SLC39A11: variants seen among roughly 807,000 people sequenced by gnomAD.
SLC39A11 encodes solute carrier family 39 member 11, also known as zinc transporter ZIP11.
SLC39A11 carries 33 observed loss-of-function variants against 36.1 expected under a neutral mutation model. That is an observed-to-expected ratio of 0.91 (90% CI 0.69 to 1.22). SLC39A11 has a LOEUF of 1.22. SLC39A11 is among the 50% of genes most tolerant of loss of function. SLC39A11 has a pLI of 0.00. For synonymous variants in SLC39A11, 166 were observed against 170.3 expected (o/e 0.97, Z 0.20); for missense variants, 432 against 430.3 (o/e 1.00, Z -0.03).
chr17:72,920,767 C>T (rs1323466195), intron 5 of SLC39A11, among the ~76,000 whole-genome samples: 2 of 149,920 alleles, frequency 1.3e-5, no homozygotes, highest in Admixed American at 6.6e-5. Flanking sequence ...ACTTCCCACC[C>T]CCTCTACAAC....
intron 7 of SLC39A11, among the ~76,000 whole-genome samples, chr17:72,712,059 T>A (rs1210873402): frequency 1.3e-5 from 2 of 152,270 alleles, no homozygotes; most frequent in Non-Finnish European, 2.9e-5. Flanking sequence ...CTACAAGGTC[T>A]GCTGGCAGAG....
chr17:72,703,219 G>A (rs1244612006), intron 7 of SLC39A11, among the ~76,000 whole-genome samples: 1 of 152,164 alleles, frequency 6.6e-6, no homozygotes. Context: ...AGTCCTGCAT[G>A]TGGGACTGAT....
intron 7 of SLC39A11, among the ~76,000 whole-genome samples, chr17:72,666,831 T>C (rs1179178282): frequency 1.3e-5 from 2 of 152,250 alleles, no homozygotes; most frequent in African/African-American, 4.8e-5. Context: ...GTATGTAGTC[T>C]TGTTGTTTGA....
chr17:73,049,153 C>G (rs978096958), intron 3 of SLC39A11, among the ~76,000 whole-genome samples: 2 of 152,236 alleles, frequency 1.3e-5, no homozygotes, highest in African/African-American at 4.8e-5. Flanking sequence ...GGATTCCAGA[C>G]AGCCAGGAGC....
intron 6 of SLC39A11, among the ~76,000 whole-genome samples, chr17:72,753,927 C>T (rs2567546): frequency 0.7 from 93,514 of 134,512 alleles, 33,337 homozygotes; most frequent in African/African-American, 0.85. Context: ...CACACACGTT[C>T]ATAGCAGCAC....
At chr17:72,974,352 G>C (rs2087683163) in intron 4 of SLC39A11, among the ~76,000 whole-genome samples, 1 of 151,274 alleles carries the variant, frequency 6.6e-6, no homozygotes, top group South Asian at 2.1e-4. Flanking sequence ...CACCCACCTT[G>C]GCCTCCCAAA....
rs556895372 is a variant in SLC39A11 at position 72,807,897 on chromosome 17, C to A, written c.601+41737G>T. The stretch of plus-strand genomic sequence containing the variant: ...AGATGGTGAGAAGCCCAGCTGACAA[C>A]CTAGATTGGTGTTTAGCATCTGAAG... On this transcript the variant is annotated intron_variant, in intron 6 of 9. Coordinates refer to ENST00000255559, the MANE Select transcript of SLC39A11 (RefSeq NM_139177.4). 2.0e-4 allele frequency among the ~76,000 whole-genome samples: 31 copies of A among 152,280 alleles called. 1 individual carries two copies. In the South Asian group the frequency reaches 4.8e-3, roughly 23 times the overall value.
At chr17:72,896,859 C>A (rs2082053408) in intron 5 of SLC39A11, among the ~76,000 whole-genome samples, 1 of 151,628 alleles carries the variant, frequency 6.6e-6, no homozygotes, top group Admixed American at 6.6e-5. Flanking sequence ...TCAAGACCAG[C>A]CTGACCAACA....
chr17:72,688,296 G>A (rs552108025), intron 7 of SLC39A11, among the ~76,000 whole-genome samples: 1 of 152,346 alleles, frequency 6.6e-6, no homozygotes, highest in African/African-American at 2.4e-5. Flanking sequence ...CTAGAAGCTG[G>A]TGCCAGGCTA....
intron 3 of SLC39A11, among the ~76,000 whole-genome samples, chr17:73,082,960 G>A (rs188250524): frequency 3.5e-4 from 48 of 135,966 alleles, no homozygotes; most frequent in Admixed American, 1.8e-3. Flanking sequence ...AGGTTGCAGT[G>A]AGCCAAGATC....
chr17:72,753,701 G>A (rs978167420), intron 6 of SLC39A11, among the ~76,000 whole-genome samples: 2 of 151,704 alleles, frequency 1.3e-5, no homozygotes, highest in Non-Finnish European at 2.9e-5. Flanking sequence ...ATTCAGGGAG[G>A]CGGGTTGACA....
rs2059620436 is a variant in SLC39A11 at position 73,054,943 on chromosome 17, CGAT to C, written c.148-23232_148-23230del. On this transcript the variant is annotated intron_variant, in intron 3 of 9. Coordinates refer to ENST00000255559, the MANE Select transcript of SLC39A11 (RefSeq NM_139177.4). ...AAAATCTCCTTAAGAAACAAAGACT[CGAT>C]GACAAGGATCTGGAAGGGATCAGGG... is the stretch of plus-strand genomic sequence containing the variant. Among the ~76,000 whole-genome samples the C allele has an allele frequency of 2.6e-5, 4 of 152,136 alleles. No homozygotes were observed. In the South Asian group the frequency reaches 8.3e-4, roughly 32 times the overall value.
intron 3 of SLC39A11, among the ~76,000 whole-genome samples, chr17:73,039,207 A>C (rs1158624967): frequency 6.6e-6 from 1 of 152,122 alleles, no homozygotes; most frequent in Admixed American, 6.6e-5. Context: ...GATTCCCAGC[A>C]GGAAATATGC....
chr17:72,851,397 TAGAGG>T (rs1315390814), intron 5 of SLC39A11, among the ~76,000 whole-genome samples: 2 of 152,118 alleles, frequency 1.3e-5, no homozygotes, highest in African/African-American at 4.8e-5. Flanking sequence ...GAAGGCTTTC[TAGAGG>T]AGATAGGTCT....
intron 5 of SLC39A11, among the ~76,000 whole-genome samples, chr17:72,925,037 G>A (rs1261882400): frequency 5.3e-5 from 8 of 150,072 alleles, no homozygotes. Flanking sequence ...AGAGAACAAT[G>A]GATTTGAGAG....
intron 6 of SLC39A11, among the ~76,000 whole-genome samples, chr17:72,751,074 C>T (rs1033121019): frequency 3.3e-5 from 5 of 152,106 alleles, no homozygotes; most frequent in Non-Finnish European, 7.3e-5. Flanking sequence ...TGGCAAAAAC[C>T]CCGCCTCTAC....
chr17:72,705,548 T>C (rs962910599), intron 7 of SLC39A11, among the ~76,000 whole-genome samples: 1 of 152,110 alleles, frequency 6.6e-6, no homozygotes, highest in African/African-American at 2.4e-5. Flanking sequence ...GGTGAATGGG[T>C]TGGCCCATCT....
At chr17:73,004,162 A>AG (rs2089998698) in intron 4 of SLC39A11, among the ~76,000 whole-genome samples, 4 of 127,642 alleles carry the variant, frequency 3.1e-5, no homozygotes, top group African/African-American at 6.3e-5. Context: ...AAAGAAGGAA[A>AG]AAAAGAAAGA....
chr17:72,873,207 G>A (rs1028181850), intron 5 of SLC39A11, among the ~76,000 whole-genome samples: 11 of 151,952 alleles, frequency 7.2e-5, no homozygotes, highest in South Asian at 2.1e-4. Context: ...CAGACCTCAC[G>A]TTCTGATGGA....
Sources: gnomAD v4.1 joint callset for allele counts (sites outside exome capture counted in the v4.1 genomes callset) on GRCh38, gnomAD v4.1.1 for gene constraint, MANE v1.5 for transcripts, NCBI Gene and HGNC (gene_info 2026-07-23, HGNC 2026-07-21) for gene names.